CDH8: variants seen among roughly 807,000 people sequenced by gnomAD.
CDH8 encodes the protein cadherin 8.
CDH8 carries 17 observed loss-of-function variants against 68.1 expected under a neutral mutation model. The observed-to-expected ratio is 0.25, with a 90% CI of 0.17 to 0.37. The LOEUF (loss-of-function observed/expected upper bound fraction) is 0.37. CDH8 is among the 10% of genes least tolerant of loss of function. CDH8 has a pLI of 1.00. For synonymous variants in CDH8, 372 were observed against 365.1 expected (o/e 1.02, Z -0.21); for missense variants, 763 against 999.3 (o/e 0.76, Z 3.19).
At chr16:61,888,923 A>T (rs752840128) in intron 3 of CDH8, among the ~76,000 whole-genome samples, 7 of 152,184 alleles carry the variant, frequency 4.6e-5, no homozygotes, top group Non-Finnish European at 1.0e-4. Context: ...GAGATCTGTA[A>T]AGTCTGACAT....
intron 4 of CDH8, among the ~76,000 whole-genome samples, chr16:61,846,780 AT>A (rs1160762809): frequency 6.6e-6 from 1 of 152,138 alleles, no homozygotes; most frequent in African/African-American, 2.4e-5. Flanking sequence ...CTTCTGCTTA[AT>A]TTTTGGAACA....
At chr16:61,952,899 A>G (rs1964920519) in intron 2 of CDH8, among the ~76,000 whole-genome samples, 1 of 152,192 alleles carries the variant, frequency 6.6e-6, no homozygotes. Context: ...CTAGGTAACA[A>G]TTCAAGGAGG....
chr16:62,003,324 GT>G (rs1399626056), intron 2 of CDH8, among the ~76,000 whole-genome samples: 8 of 152,046 alleles, frequency 5.3e-5, no homozygotes, highest in Non-Finnish European at 7.4e-5. Context: ...AAGATCAAGC[GT>G]TTTTAAAATT....
At chr16:61,768,372 T>TCTCTCTCTC (rs1960676792) in intron 8 of CDH8, among the ~76,000 whole-genome samples, 1 of 38,936 alleles carries the variant, frequency 2.6e-5, no homozygotes, top group Admixed American at 3.3e-4. Flanking sequence ...CTCTCTCCCT[T>TCTCTCTCTC]TCTCTCTCTC....
chr16:61,953,536 AT>A (rs1209658466), intron 2 of CDH8, among the ~76,000 whole-genome samples: 1 of 151,274 alleles, frequency 6.6e-6, no homozygotes, highest in Non-Finnish European at 1.5e-5. Flanking sequence ...GTCTCCCAAA[AT>A]TTCTGAGTAT....
intron 2 of CDH8, among the ~76,000 whole-genome samples, chr16:61,992,680 T>A (rs2150590642): frequency 6.6e-6 from 1 of 152,264 alleles, no homozygotes; most frequent in Admixed American, 6.5e-5. Context: ...TTAACAACAT[T>A]TACTAAATAT....
chr16:61,915,536 A>G (rs79389712), intron 2 of CDH8, among the ~76,000 whole-genome samples: 12,044 of 152,258 alleles, frequency 0.079, 554 homozygotes, highest in African/African-American at 0.11. Context: ...ACGCACCAGA[A>G]CCAAGTACGG....
chr16:61,958,384 C>G (rs554506943), intron 2 of CDH8, among the ~76,000 whole-genome samples: 1 of 152,310 alleles, frequency 6.6e-6, no homozygotes, highest in Admixed American at 6.5e-5. Flanking sequence ...AGCAGCTAAA[C>G]AAAGCAGAAC....
intron 1 of CDH8, among the ~76,000 whole-genome samples, chr16:62,035,467 C>A (rs966352560): frequency 6.6e-6 from 1 of 152,082 alleles, no homozygotes; most frequent in Non-Finnish European, 1.5e-5. Context: ...AAGTTTGTAG[C>A]GGGCACCGCA....
chr16:62,000,685 GA>G (rs1965879998), intron 2 of CDH8, among the ~76,000 whole-genome samples: 1 of 152,156 alleles, frequency 6.6e-6, no homozygotes, highest in South Asian at 2.1e-4. Flanking sequence ...TGATATACAG[GA>G]AAGATAAAGC....
At chr16:61,840,501 T>A (rs530243288) in intron 4 of CDH8, among the ~76,000 whole-genome samples, 34 of 152,334 alleles carry the variant, frequency 2.2e-4, no homozygotes, top group African/African-American at 6.0e-4. Context: ...ACCTGGCACA[T>A]AATAGTCTCT....
At chr16:62,020,673 T>C (rs1169774799) in intron 2 of CDH8, among the ~76,000 whole-genome samples, 1 of 152,152 alleles carries the variant, frequency 6.6e-6, no homozygotes, top group African/African-American at 2.4e-5. Flanking sequence ...AGGTCAATTA[T>C]TGAAAAAGCA....
chr16:61,987,519 T>G (rs1307379662), intron 2 of CDH8, among the ~76,000 whole-genome samples: 1 of 151,700 alleles, frequency 6.6e-6, no homozygotes, highest in Non-Finnish European at 1.5e-5. Flanking sequence ...AAAACAATAA[T>G]AACAAAATGA....
intron 2 of CDH8, 95 bp from the exon 3 acceptor site, chr16:61,901,568 CA>C: frequency 1.2e-6 from 1 of 801,652 alleles, no homozygotes; most frequent in Non-Finnish European, 2.0e-6. Flanking sequence ...GTTCTTTTTA[CA>C]TAACATCATC....
At chr16:61,906,200 TTTG>T in intron 2 of CDH8, among the ~76,000 whole-genome samples, 1 of 152,282 alleles carries the variant, frequency 6.6e-6, no homozygotes, top group East Asian at 1.9e-4. Context: ...TCATAATAGT[TTTG>T]TTGTAGTATA....
chr16:61,802,336 C>G, intron 7 of CDH8, among the ~76,000 whole-genome samples: 1 of 51,918 alleles, frequency 1.9e-5, no homozygotes, highest in Admixed American at 2.2e-4. Flanking sequence ...CATCAAAGAC[C>G]AAAAGTAGAT....
At chr16:61,883,845 G>T (rs1963622439) in intron 3 of CDH8, among the ~76,000 whole-genome samples, 1 of 151,910 alleles carries the variant, frequency 6.6e-6, no homozygotes, top group East Asian at 1.9e-4. Context: ...GTTATTGCAG[G>T]TATTCAATAA....
intron 10 of CDH8, among the ~76,000 whole-genome samples, chr16:61,696,707 A>G (rs920926746): frequency 8.5e-5 from 13 of 152,232 alleles, no homozygotes; most frequent in African/African-American, 3.1e-4. Context: ...GCCAGCAATG[A>G]TAGACTAGGT....
chr16:61,851,262 G>A (rs924691394), intron 4 of CDH8, among the ~76,000 whole-genome samples: 8 of 151,400 alleles, frequency 5.3e-5, no homozygotes, highest in Admixed American at 4.0e-4. Flanking sequence ...TTTTTCCCAA[G>A]GAATATTTTT....
Sources: allele counts gnomAD v4.1 joint callset (sites outside exome capture counted in the v4.1 genomes callset), GRCh38; gene constraint gnomAD v4.1.1; transcripts MANE v1.5; gene names NCBI Gene and HGNC (gene_info 2026-07-23, HGNC 2026-07-21).